LSAMP: variants seen among roughly 807,000 people sequenced by gnomAD.
The protein encoded by LSAMP is limbic system associated membrane protein.
Under a neutral mutation model 38.6 loss-of-function variants are expected in LSAMP, and 7 were observed. That is an observed-to-expected ratio of 0.18 (90% CI 0.10 to 0.34). The LOEUF (loss-of-function observed/expected upper bound fraction) is 0.34. Among genes scored for constraint, LSAMP ranks in the 10% least tolerant of loss-of-function variants. LSAMP has a pLI of 1.00. For synonymous variants in LSAMP, 154 were observed against 166.8 expected (o/e 0.92, Z 0.59); for missense variants, 313 against 420.0 (o/e 0.75, Z 2.23).
intron 2 of LSAMP, among the ~76,000 whole-genome samples, chr3:116,074,063 A>G (rs540348488): frequency 6.6e-6 from 1 of 152,316 alleles, no homozygotes; most frequent in South Asian, 2.1e-4. Flanking sequence ...CCACTTCCAT[A>G]TAAGCTCACT....
chr3:116,020,190 T>C (rs986693342), intron 2 of LSAMP, among the ~76,000 whole-genome samples: 3 of 152,198 alleles, frequency 2.0e-5, no homozygotes, highest in African/African-American at 7.2e-5. Flanking sequence ...ATCATCTTTG[T>C]GTATAACAGG....
intron 1 of LSAMP, among the ~76,000 whole-genome samples, chr3:116,216,447 T>C (rs1355267837): frequency 2.0e-5 from 3 of 152,150 alleles, no homozygotes; most frequent in Non-Finnish European, 4.4e-5. Flanking sequence ...ATCAAATTAG[T>C]CTATTTTTCC....
intron 1 of LSAMP, among the ~76,000 whole-genome samples, chr3:116,442,950 A>G (rs1401555277): frequency 6.6e-6 from 1 of 152,222 alleles, no homozygotes; most frequent in Admixed American, 6.5e-5. Flanking sequence ...ATTCTTCTGA[A>G]TTAACATTTC....
intron 1 of LSAMP, among the ~76,000 whole-genome samples, chr3:116,318,118 GGAGT>G (rs1353819343): frequency 7.4e-6 from 1 of 135,964 alleles, no homozygotes; most frequent in African/African-American, 2.8e-5. Flanking sequence ...CCTGAGTGAT[GGAGT>G]GAGACTCCAT....
At chr3:116,241,891 T>TA in intron 1 of LSAMP, among the ~76,000 whole-genome samples, 1 of 152,218 alleles carries the variant, frequency 6.6e-6, no homozygotes. Context: ...ATTGGGGGTG[T>TA]AACCCTATGC....
At chr3:115,943,877 T>G (rs1055536412) in intron 3 of LSAMP, among the ~76,000 whole-genome samples, 1 of 152,190 alleles carries the variant, frequency 6.6e-6, no homozygotes, top group Non-Finnish European at 1.5e-5. Flanking sequence ...AATCCCCAAC[T>G]GCTTTCGAAC....
chr3:116,045,402 G>C (rs1051262677), intron 2 of LSAMP, among the ~76,000 whole-genome samples: 1 of 152,108 alleles, frequency 6.6e-6, no homozygotes, highest in Non-Finnish European at 1.5e-5. Flanking sequence ...GAAACAAGTA[G>C]GGAATGAAGG....
intron 1 of LSAMP, among the ~76,000 whole-genome samples, chr3:116,218,923 A>G (rs772965089): frequency 3.3e-5 from 5 of 152,318 alleles, no homozygotes; most frequent in Middle Eastern, 3.4e-3. Flanking sequence ...ACCCAAGTAC[A>G]AAAGAACCAT....
At chr3:116,236,384 A>G (rs1330367940) in intron 1 of LSAMP, among the ~76,000 whole-genome samples, 2 of 152,108 alleles carry the variant, frequency 1.3e-5, no homozygotes, top group East Asian at 3.9e-4. Flanking sequence ...TAAGGTTTCC[A>G]ATTTGTTTTA....
chr3:115,887,911 T>C (rs74378705), intron 3 of LSAMP, among the ~76,000 whole-genome samples: 3,168 of 151,966 alleles, frequency 0.021, 128 homozygotes, highest in African/African-American at 0.07. Flanking sequence ...GTAATATGTA[T>C]TTTAACATAT....
intron 3 of LSAMP, among the ~76,000 whole-genome samples, chr3:115,993,104 T>C (rs1344518561): frequency 6.6e-6 from 1 of 152,150 alleles, no homozygotes; most frequent in East Asian, 1.9e-4. Flanking sequence ...TTCTCCTACA[T>C]ACTCTACATG....
chr3:116,214,156 G>A (rs2046193693), intron 1 of LSAMP, among the ~76,000 whole-genome samples: 1 of 152,030 alleles, frequency 6.6e-6, no homozygotes, highest in African/African-American at 2.4e-5. Flanking sequence ...TATTAACCAA[G>A]GGCTACAAAT....
chr3:116,300,604 C>T (rs2047393355), intron 1 of LSAMP, among the ~76,000 whole-genome samples: 1 of 152,156 alleles, frequency 6.6e-6, no homozygotes, highest in South Asian at 2.1e-4. Context: ...CTTTTGTGAA[C>T]TGCGCATATG....
chr3:116,410,024 G>GTTT (rs2048950366), intron 1 of LSAMP, among the ~76,000 whole-genome samples: 1 of 152,016 alleles, frequency 6.6e-6, no homozygotes, highest in Non-Finnish European at 1.5e-5. Flanking sequence ...TAAGTGTTTT[G>GTTT]TTTGTTTGTT....
intron 3 of LSAMP, among the ~76,000 whole-genome samples, chr3:115,926,097 G>T (rs1937492960): frequency 6.6e-6 from 1 of 152,150 alleles, no homozygotes; most frequent in South Asian, 2.1e-4. Flanking sequence ...TATGTGAGAT[G>T]TATGAAGAAG....
intron 1 of LSAMP, among the ~76,000 whole-genome samples, chr3:116,371,138 C>A (rs1454155621): frequency 6.6e-6 from 1 of 152,120 alleles, no homozygotes; most frequent in African/African-American, 2.4e-5. Flanking sequence ...TTAAAGAACA[C>A]TAATCCTTCT....
chr3:116,126,041 A>G (rs2107494994), intron 1 of LSAMP, among the ~76,000 whole-genome samples: 1 of 152,344 alleles, frequency 6.6e-6, no homozygotes, highest in African/African-American at 2.4e-5. Context: ...GCAGCCCTCA[A>G]GAATGAAGGG....
intron 1 of LSAMP, among the ~76,000 whole-genome samples, chr3:116,165,123 T>C (rs1205001475): frequency 6.6e-6 from 1 of 152,210 alleles, no homozygotes; most frequent in African/African-American, 2.4e-5. Context: ...ACCGTGCTTC[T>C]AGGTTGAAAT....
At chr3:116,223,605 G>C (rs2046313042) in intron 1 of LSAMP, among the ~76,000 whole-genome samples, 1 of 152,132 alleles carries the variant, frequency 6.6e-6, no homozygotes, top group Non-Finnish European at 1.5e-5. Flanking sequence ...TATTCACATA[G>C]AGATTTGAAA....
Sources: gnomAD v4.1 joint callset for allele counts (sites outside exome capture counted in the v4.1 genomes callset) on GRCh38, gnomAD v4.1.1 for gene constraint, MANE v1.5 for transcripts, NCBI Gene and HGNC (gene_info 2026-07-23, HGNC 2026-07-21) for gene names.